ACVR1B: variants seen among roughly 807,000 people sequenced by gnomAD.
The protein encoded by ACVR1B is activin A receptor type 1B.
Under a neutral mutation model 55.6 loss-of-function variants are expected in ACVR1B, and 15 were observed. That is an observed-to-expected ratio of 0.27 (90% CI 0.18 to 0.42). The LOEUF is 0.42. Among genes scored for constraint, ACVR1B ranks in the 10% least tolerant of loss-of-function variants. The probability of loss-of-function intolerance (pLI) is 1.00; values close to 1 mark genes in which losing one functional copy is unlikely to be tolerated. For missense variants in ACVR1B, 359 were observed against 670.1 expected, an observed-to-expected ratio of 0.54 and a Z score of 5.13; for synonymous variants, 247 against 254.6, an observed-to-expected ratio of 0.97 and a Z score of 0.28.
chr12:51,987,243 A>G (rs752981607), intron 7 of ACVR1B: 2 of 630,046 alleles, frequency 3.2e-6, no homozygotes, highest in Non-Finnish European at 2.9e-6. Flanking sequence ...CCCGGTGCGC[A>G]TAGCACGGGA....
At chr12:51,991,803 G>A in intron 7 of ACVR1B, 60 bp from the exon 8 acceptor site, 1 of 1,572,990 alleles carries the variant, frequency 6.4e-7, no homozygotes, top group Non-Finnish European at 8.7e-7. Flanking sequence ...TTTGTCACCG[G>A]CTTCTGAGTA....
At chr12:51,988,752 T>G (rs1942129256) in intron 7 of ACVR1B, among the ~76,000 whole-genome samples, 1 of 152,178 alleles carries the variant, frequency 6.6e-6, no homozygotes, top group South Asian at 2.1e-4. Context: ...GGGTTCAGAC[T>G]CGGACAGGCT....
chr12:51,991,460 G>C (rs1942189832), intron 7 of ACVR1B, among the ~76,000 whole-genome samples: 1 of 152,228 alleles, frequency 6.6e-6, no homozygotes, highest in Non-Finnish European at 1.5e-5. Context: ...GGAGTGCAGT[G>C]GCATGATCTC....
chr12:51,981,219 A>G lies in ACVR1B; in HGVS notation c.811+20A>G. ...ATAAAGGTAAGGGCTGGGCTTGGAT[A>G]CAGCATTCCCAGATAGAGGATGCTA... On this transcript the variant is annotated intron_variant, in intron 4 of 8. Transcript: ENST00000257963. 2 of 1,604,000 alleles carry G rather than the reference A, an allele frequency of 1.2e-6. No homozygotes were observed. Among genetic ancestry groups the G allele is most frequent in the East Asian group, 2.2e-5 (1 of 44,812 alleles).
chr12:51,960,504 G>A (rs955443658), intron 1 of ACVR1B, among the ~76,000 whole-genome samples: 3 of 152,052 alleles, frequency 2.0e-5, no homozygotes, highest in Admixed American at 6.6e-5. Flanking sequence ...GGTGACAATT[G>A]TAATAAAAGC....
intron 6 of ACVR1B, among the ~76,000 whole-genome samples, chr12:51,985,653 G>A (rs558161035): frequency 6.6e-6 from 1 of 152,340 alleles, no homozygotes; most frequent in East Asian, 1.9e-4. Context: ...CAGGCAACAG[G>A]TGTGGCTCGG....
chr12:51,970,443 A>G (rs1941724937), intron 1 of ACVR1B, among the ~76,000 whole-genome samples: 1 of 152,168 alleles, frequency 6.6e-6, no homozygotes, highest in Non-Finnish European at 1.5e-5. Flanking sequence ...ACAGGAGAGG[A>G]TGAAAGTGAA....
In ACVR1B at chr12:51,994,118, C is replaced by G. The variant is rs771391622; in HGVS notation, c.*8C>G. The G allele has an allele frequency of 2.5e-6, 4 of 1,612,844 alleles. No individual in the cohort carries two copies. The highest frequency in any genetic ancestry group is 3.4e-6 in the Non-Finnish European group (4 of 1,179,978). The stretch of plus-strand genomic sequence containing the variant: ...GAAGACGTGAAGATCTAACTGCTCC[C>G]TCTCTCCACACGGAGCTCCTGGCAG... On this transcript the variant is annotated 3_prime_UTR_variant, in exon 9 of 9. Coordinates refer to ENST00000257963, the MANE Select transcript of ACVR1B (RefSeq NM_004302.5). The surrounding 1 kb of genome is among the most constrained non-coding windows in gnomAD (Gnocchi z 4.2).
chr12:51,955,937 T>C (rs749160679), intron 1 of ACVR1B, among the ~76,000 whole-genome samples: 5 of 152,262 alleles, frequency 3.3e-5, no homozygotes, highest in Non-Finnish European at 7.3e-5. Flanking sequence ...TCTGAGTTTC[T>C]GTTCTCAGTT....
chr12:51,982,712 T>C (rs1300654197), intron 4 of ACVR1B: 1 of 1,533,240 alleles, frequency 6.5e-7, no homozygotes, highest in African/African-American at 1.4e-5. Context: ...CACATTGCCA[T>C]GGGAAGTTGT....
At chr12:51,962,500 T>C (rs527928304) in intron 1 of ACVR1B, among the ~76,000 whole-genome samples, 1 of 152,318 alleles carries the variant, frequency 6.6e-6, no homozygotes, top group East Asian at 1.9e-4. Flanking sequence ...AAGGTGAAAA[T>C]GTAACTTGGG....
Position 51,986,896 on chromosome 12 carries a change from C to A in ACVR1B, c.1215C>A (p.Ala405=). ...CCTTTAAATGTGCTGATATTTATGCCCTCGGGCTTGTATATTGGGAGATTG... is the reference window on the plus strand; with the variant it reads ...CCTTTAAATGTGCTGATATTTATGCACTCGGGCTTGTATATTGGGAGATTG... ...FDSFKCADIY[A]LGLVYWEIAR... The change falls in exon 7 of 9, where the codon GCC becomes GCA. Residue 405 remains alanine (A), a synonymous_variant. Coordinates refer to ENST00000257963, the MANE Select transcript of ACVR1B (RefSeq NM_004302.5). 6.2e-7 allele frequency: 1 copy of A among 1,614,186 alleles called. No individual in the cohort carries two copies. The highest frequency in any genetic ancestry group is 8.5e-7 in the Non-Finnish European group (1 of 1,180,028).
At chr12:51,989,565 G>T (rs1942149623) in intron 7 of ACVR1B, among the ~76,000 whole-genome samples, 1 of 152,092 alleles carries the variant, frequency 6.6e-6, no homozygotes, top group Non-Finnish European at 1.5e-5. Context: ...GATTATAAGC[G>T]TGAGCCACTG....
In ACVR1B at chr12:51,981,032, A is replaced by G; in HGVS notation, c.644A>G (p.Lys215Arg). 1 of 1,614,116 alleles carries G rather than the reference A, an allele frequency of 6.2e-7. No individual in the cohort carries two copies. The highest frequency in any genetic ancestry group is 8.5e-7 in the Non-Finnish European group (1 of 1,179,992). Residue 215 changes from lysine to arginine, a missense_variant, in exon 4 of 9, where the codon AAG becomes AGG. Coordinates refer to ENST00000257963, the MANE Select transcript of ACVR1B (RefSeq NM_004302.5). ...RTIVLQEIIG[K>R]GRFGEVWRGR... is the part of the protein sequence containing the mutation. ...ATCGTTTTACAAGAGATTATTGGCA[A>G]GGGTCGGTTTGGGGAAGTATGGCGG...
At chr12:51,989,127 G>A (rs773392020) in intron 7 of ACVR1B, among the ~76,000 whole-genome samples, 19 of 151,978 alleles carry the variant, frequency 1.3e-4, no homozygotes, top group Non-Finnish European at 8.8e-5. Context: ...GTAGTGGCGG[G>A]CGCCTGTAAT....
chr12:51,995,166 A>T lies in ACVR1B; in HGVS notation c.*1056A>T, dbSNP rs1592265589. On this transcript the variant is annotated 3_prime_UTR_variant, in exon 9 of 9. Coordinates refer to ENST00000257963, the MANE Select transcript of ACVR1B (RefSeq NM_004302.5). ...AGCAGCATCGAGGAAGGGCCGAGGA[A>T]TGTGAAGCCAGATCTCGGGACTCAG... 6.6e-6 allele frequency: 1 copy of T among 151,840 alleles called. No homozygotes were observed. The highest frequency in any genetic ancestry group is 2.4e-5 in the African/African-American group (1 of 41,278). The allele number at this position is 151,840 out of a possible 1,614,324, so 9.4% of individuals were successfully genotyped here.
intron 1 of ACVR1B, 31 bp downstream of exon 1, chr12:51,951,865 G>A (rs1399328475): frequency 1.6e-6 from 2 of 1,225,524 alleles, no homozygotes; most frequent in African/African-American, 1.6e-5. Context: ...CGGGGGCCGG[G>A]ATGGAGAGGG....
At chr12:51,990,122 C>A (rs968830261) in intron 7 of ACVR1B, among the ~76,000 whole-genome samples, 1 of 151,672 alleles carries the variant, frequency 6.6e-6, no homozygotes, top group African/African-American at 2.4e-5. Flanking sequence ...GGTGAAACCC[C>A]GAATCTACTA....
chr12:51,983,343 G>A (rs1042952727), intron 4 of ACVR1B, among the ~76,000 whole-genome samples: 4 of 152,210 alleles, frequency 2.6e-5, no homozygotes, highest in African/African-American at 7.2e-5. Context: ...CTCCTCTGAA[G>A]GATGAGATGC....
Sources: gnomAD v4.1 joint callset for allele counts (sites outside exome capture counted in the v4.1 genomes callset) on GRCh38, gnomAD v4.1.1 for gene constraint, Gnocchi (gnomAD v3.1) non-coding constraint, MANE v1.5 for transcripts, NCBI Gene and HGNC (gene_info 2026-07-23, HGNC 2026-07-21) for gene names.